Variants in ETV6 observed in about 807,000 individuals in gnomAD.
The protein encoded by ETV6 is ETS variant transcription factor 6, also known as transcription factor ETV6.
A neutral mutation model predicts 51.1 loss-of-function variants in ETV6; 16 were observed. The observed-to-expected ratio is 0.31, with a 90% CI of 0.21 to 0.48. ETV6 has a LOEUF of 0.48. Ranked by LOEUF, ETV6 falls within the 20% of genes least tolerant of loss-of-function variation. The probability of loss-of-function intolerance (pLI) is 0.99; values close to 1 mark genes in which losing one functional copy is unlikely to be tolerated. For synonymous variants in ETV6, 240 were observed against 224.1 expected, an observed-to-expected ratio of 1.07 and a Z score of -0.64; for missense variants, 458 against 594.8, an observed-to-expected ratio of 0.77 and a Z score of 2.39.
rs148327481 is a variant in ETV6, at chr12:11,846,066, G to T, written c.328+6762G>T. 3.3e-5 allele frequency among the ~76,000 whole-genome samples: 5 copies of T among 152,182 alleles called. No homozygotes were observed. The East Asian group carries it at 9.6e-4, about 29-fold the overall frequency. On this transcript the variant is annotated intron_variant, in intron 3 of 7. Coordinates refer to ENST00000396373, the MANE Select transcript of ETV6 (RefSeq NM_001987.5). ...CCAAGCAGTCCCATTACAGGAATGGGCATGTTATGCACTGGTGTTTTCACT... is the reference window on the plus strand; with the variant it reads ...CCAAGCAGTCCCATTACAGGAATGGTCATGTTATGCACTGGTGTTTTCACT...
intron 2 of ETV6, among the ~76,000 whole-genome samples, chr12:11,776,489 C>G (rs1031462643): frequency 2.0e-5 from 3 of 151,926 alleles, no homozygotes; most frequent in Non-Finnish European, 2.9e-5. Context: ...AAGCTATCCT[C>G]CTGCTGTGGC....
chr12:11,765,995 C>T lies in ETV6; in HGVS notation c.163+13416C>T, dbSNP rs145672923. ...TGAAAGCCGCAGGTACTGGTTGCCT[C>T]TCGCAGGGTTAAAACTCTTGGCGGC... On this transcript the variant is annotated intron_variant, in intron 2 of 7. Coordinates refer to ENST00000396373, the MANE Select transcript of ETV6 (RefSeq NM_001987.5). Among the ~76,000 whole-genome samples, 263 of 152,184 alleles carry T rather than the reference C, an allele frequency of 1.7e-3. 1 individual carries two copies. The highest frequency in any genetic ancestry group is 2.6e-3 in the Non-Finnish European group (174 of 68,012).
Position 11,869,184 on chromosome 12 carries a change from C to T in ETV6, c.464-240C>T, listed in dbSNP as rs1004812505. Among the ~76,000 whole-genome samples the T allele has an allele frequency of 3.3e-5, 5 of 151,022 alleles. No individual in the cohort carries two copies. Among genetic ancestry groups the T allele is most frequent in the Admixed American group, 6.6e-5 (1 of 15,132 alleles). Reference sequence around the variant, plus strand: ...CCGGGAGGCAGAGCTTGCAGTGAGCCGAGATCGTGCCACTGCACTCCAGCC... The same window carrying T: ...CCGGGAGGCAGAGCTTGCAGTGAGCTGAGATCGTGCCACTGCACTCCAGCC... On this transcript the variant is annotated intron_variant, in intron 4 of 7. Coordinates refer to ENST00000396373, the MANE Select transcript of ETV6 (RefSeq NM_001987.5). The surrounding 1 kb of genome is among the most constrained non-coding windows in gnomAD (Gnocchi z 5.0).
At chr12:11,664,131 T>G (rs189086754) in intron 1 of ETV6, among the ~76,000 whole-genome samples, 165 of 152,330 alleles carry the variant, frequency 1.1e-3, no homozygotes, top group Non-Finnish European at 1.6e-3. Context: ...TCTTTTCACA[T>G]TCAGGTGACA....
intron 5 of ETV6, among the ~76,000 whole-genome samples, chr12:11,877,372 A>G (rs2855711): frequency 0.77 from 116,519 of 151,750 alleles, 47,032 homozygotes; most frequent in South Asian, 0.91. Flanking sequence ...ACCTCGTAAA[A>G]GAGAAGTGTG....
rs143346436 is a variant in ETV6, at chr12:11,730,389, C to G, written c.34-22061C>G. On this transcript the variant is annotated intron_variant, in intron 1 of 7. Coordinates refer to ENST00000396373, the MANE Select transcript of ETV6 (RefSeq NM_001987.5). ...TGACAAGTCCTGTACAAACAGAAGT[C>G]CAATGAGGCTGCTGCTCTGGGGTTG... is the stretch of plus-strand genomic sequence containing the variant. Among the ~76,000 whole-genome samples the G allele has an allele frequency of 2.8e-3, 424 of 152,318 alleles. 2 individuals are homozygous for G. Among genetic ancestry groups the G allele is most frequent in the Middle Eastern group, 6.8e-3 (2 of 294 alleles).
intron 7 of ETV6, among the ~76,000 whole-genome samples, chr12:11,887,161 C>G (rs1018988152): frequency 6.6e-6 from 1 of 152,098 alleles, no homozygotes; most frequent in South Asian, 2.1e-4. Flanking sequence ...AAAAAAGAAC[C>G]CTCCATTCTC....
At chr12:11,779,369 A>G (rs1404757908) in intron 2 of ETV6, among the ~76,000 whole-genome samples, 2 of 152,224 alleles carry the variant, frequency 1.3e-5, no homozygotes, top group African/African-American at 2.4e-5. Context: ...TAAAAACTTG[A>G]AACTCCTTTG....
At chr12:11,726,355 C>G (rs943431579) in intron 1 of ETV6, among the ~76,000 whole-genome samples, 3 of 152,220 alleles carry the variant, frequency 2.0e-5, no homozygotes, top group South Asian at 2.1e-4. Flanking sequence ...TCCACTCTTG[C>G]AGTAGCCTAG....
intron 2 of ETV6, among the ~76,000 whole-genome samples, chr12:11,794,658 T>C (rs955209626): frequency 1.3e-5 from 2 of 152,216 alleles, no homozygotes; most frequent in African/African-American, 2.4e-5. Context: ...TTATACTCTA[T>C]CAGTGCCCAT....
At chr12:11,810,458 T>C (rs1252518970) in intron 2 of ETV6, among the ~76,000 whole-genome samples, 1 of 152,214 alleles carries the variant, frequency 6.6e-6, no homozygotes, top group Non-Finnish European at 1.5e-5. Context: ...TGAGTACAAA[T>C]GGCCCCTCAG....
chr12:11,811,436 C>G (rs1945911576), intron 2 of ETV6, among the ~76,000 whole-genome samples: 1 of 152,146 alleles, frequency 6.6e-6, no homozygotes, highest in Admixed American at 6.5e-5. Flanking sequence ...GAAACACTTC[C>G]CAGCCCTTCC....
chr12:11,716,537 T>A (rs866530421), intron 1 of ETV6: 1 of 152,186 alleles, frequency 6.6e-6, no homozygotes, highest in African/African-American at 2.4e-5. Context: ...CTGAAGTTGG[T>A]GGATGTGGGC....
At chr12:11,796,329 T>C (rs1164797597) in intron 2 of ETV6, among the ~76,000 whole-genome samples, 1 of 152,150 alleles carries the variant, frequency 6.6e-6, no homozygotes, top group Admixed American at 6.5e-5. Context: ...CCAAGATTCG[T>C]ATTTACCTGT....
rs113624407 is a variant in ETV6, at chr12:11,770,728, G to A, written c.163+18149G>A. On this transcript the variant is annotated intron_variant, in intron 2 of 7. Transcript: ENST00000396373. ...GAGAAAGAATGCCTTTTTGACTTCC[G>A]TGAATAAAGAATAAGTCACGGCTAA... Among the ~76,000 whole-genome samples the A allele has an allele frequency of 8.0e-3, 1,212 of 152,202 alleles. 15 individuals are homozygous for A. Among genetic ancestry groups the A allele is most frequent in the African/African-American group, 0.021 (888 of 41,526 alleles).
chr12:11,787,986 A>G (rs900910922), intron 2 of ETV6, among the ~76,000 whole-genome samples: 1 of 152,220 alleles, frequency 6.6e-6, no homozygotes, highest in African/African-American at 2.4e-5. Context: ...ATTACTGGAA[A>G]AAAGTACATT....
chr12:11,673,599 G>C (rs1215334621), intron 1 of ETV6, among the ~76,000 whole-genome samples: 1 of 152,174 alleles, frequency 6.6e-6, no homozygotes, highest in Non-Finnish European at 1.5e-5. Flanking sequence ...TATGTTGGAT[G>C]AGTGAATCAT....
intron 5 of ETV6, among the ~76,000 whole-genome samples, chr12:11,876,818 G>T (rs1344826301): frequency 1.3e-5 from 2 of 152,080 alleles, no homozygotes; most frequent in Non-Finnish European, 2.9e-5. Flanking sequence ...TGGTCAGTTG[G>T]GTCATTAATC....
chr12:11,691,279 A>G (rs1864757441), intron 1 of ETV6, among the ~76,000 whole-genome samples: 1 of 152,180 alleles, frequency 6.6e-6, no homozygotes, highest in Admixed American at 6.5e-5. Flanking sequence ...TTCTGGGGTA[A>G]CACAAACCTT....
Sources: allele counts gnomAD v4.1 joint callset (sites outside exome capture counted in the v4.1 genomes callset), GRCh38; gene constraint gnomAD v4.1.1; non-coding constraint Gnocchi (gnomAD v3.1); transcripts MANE v1.5; gene names NCBI Gene and HGNC (gene_info 2026-07-23, HGNC 2026-07-21).